CTNND2: variants seen among roughly 807,000 people sequenced by gnomAD.
CTNND2 encodes catenin delta-2.
Under a neutral mutation model 144.4 loss-of-function variants are expected in CTNND2, and 22 were observed. The ratio of observed to expected loss-of-function variants is 0.15; its 90% CI spans 0.11 to 0.22. CTNND2 has a LOEUF of 0.22. Among genes scored for constraint, CTNND2 ranks in the 10% least tolerant of loss-of-function variants. CTNND2 has a pLI of 1.00. For synonymous variants in CTNND2, 751 were observed against 695.6 expected (o/e 1.08, Z -1.25); for missense variants, 1,353 against 1,618.8 (o/e 0.84, Z 2.82).
chr5:11,470,978 A>AT (rs1456986831), intron 3 of CTNND2, among the ~76,000 whole-genome samples: 31 of 95,806 alleles, frequency 3.2e-4, no homozygotes, highest in African/African-American at 1.8e-3. Context: ...ATATATATAT[A>AT]TATTTTTTTT....
chr5:11,428,669 A>G (rs1344923625), intron 3 of CTNND2, among the ~76,000 whole-genome samples: 2 of 152,200 alleles, frequency 1.3e-5, no homozygotes, highest in African/African-American at 2.4e-5. Flanking sequence ...TAGTTAGTAA[A>G]GCGTAGGATT....
chr5:11,567,154 T>G (rs1777181158), intron 2 of CTNND2, among the ~76,000 whole-genome samples: 1 of 151,558 alleles, frequency 6.6e-6, no homozygotes, highest in Non-Finnish European at 1.5e-5. Flanking sequence ...TTATTTTGTA[T>G]TTTTTTATTT....
intron 3 of CTNND2, among the ~76,000 whole-genome samples, chr5:11,477,214 T>C (rs1767828232): frequency 1.3e-5 from 2 of 152,102 alleles, no homozygotes; most frequent in Non-Finnish European, 2.9e-5. Context: ...CCATGAACTA[T>C]TCATTATTAA....
At chr5:11,742,197 G>A (rs1581807177) in intron 1 of CTNND2, among the ~76,000 whole-genome samples, 1 of 151,962 alleles carries the variant, frequency 6.6e-6, no homozygotes, top group East Asian at 1.9e-4. Context: ...CAAAACTTAT[G>A]GAGGAAAAAA....
intron 16 of CTNND2, among the ~76,000 whole-genome samples, chr5:11,023,608 T>C (rs1669912614): frequency 6.6e-6 from 1 of 152,246 alleles, no homozygotes; most frequent in Admixed American, 6.5e-5. Flanking sequence ...ATGTGTCCTC[T>C]GAACTATAGT....
chr5:11,690,312 A>T, intron 2 of CTNND2, among the ~76,000 whole-genome samples: 1 of 152,228 alleles, frequency 6.6e-6, no homozygotes. Flanking sequence ...AAACAAAAAA[A>T]ACTTTCAAAC....
At chr5:11,314,837 T>C (rs899327153) in intron 9 of CTNND2, among the ~76,000 whole-genome samples, 2 of 146,042 alleles carry the variant, frequency 1.4e-5, no homozygotes, top group Non-Finnish European at 3.0e-5. Context: ...TTTGGGGAGG[T>C]ATGGGGTAGC....
chr5:11,819,651 G>A (rs1019125216), intron 1 of CTNND2, among the ~76,000 whole-genome samples: 1 of 152,102 alleles, frequency 6.6e-6, no homozygotes, highest in African/African-American at 2.4e-5. Flanking sequence ...ACTTAGCAGT[G>A]GGAACCAGTG....
intron 9 of CTNND2, among the ~76,000 whole-genome samples, chr5:11,254,646 C>A (rs1744040344): frequency 6.6e-6 from 1 of 152,148 alleles, no homozygotes; most frequent in African/African-American, 2.4e-5. Context: ...TACAACAGTG[C>A]ATGTCAAAAT....
chr5:11,289,583 C>CT (rs1748111633), intron 9 of CTNND2, among the ~76,000 whole-genome samples: 1 of 152,188 alleles, frequency 6.6e-6, no homozygotes, highest in Non-Finnish European at 1.5e-5. Flanking sequence ...CCTATGGTAT[C>CT]AGTCAGACGC....
At chr5:11,368,102 A>G (rs1581031456) in intron 7 of CTNND2, among the ~76,000 whole-genome samples, 1 of 152,294 alleles carries the variant, frequency 6.6e-6, no homozygotes, top group East Asian at 1.9e-4. Flanking sequence ...AAACATGGGT[A>G]CTTGGCTTAC....
intron 2 of CTNND2, among the ~76,000 whole-genome samples, chr5:11,696,553 C>T (rs188455319): frequency 1.6e-3 from 242 of 152,342 alleles, no homozygotes; most frequent in Non-Finnish European, 2.8e-3. Flanking sequence ...ATCTGATCAA[C>T]AGCAGATATT....
rs553532662 is a variant in CTNND2 at position 11,368,353 on chromosome 5, T to C, written c.1178-3463A>G. ...GCTACAGGTGACCTGAATGGATGCT[T>C]AAACAGCTCAGAACCTACCTGACTA... On this transcript the variant is annotated intron_variant, in intron 7 of 21. Transcript: ENST00000304623. 9.9e-5 allele frequency among the ~76,000 whole-genome samples: 15 copies of C among 152,254 alleles called. No homozygotes were observed. The South Asian group carries it at 3.1e-3, about 32-fold the overall frequency.
chr5:11,050,953 C>T (rs560247845), intron 16 of CTNND2, among the ~76,000 whole-genome samples: 24 of 152,184 alleles, frequency 1.6e-4, no homozygotes, highest in Non-Finnish European at 2.9e-4. Context: ...CTTTTCTCCA[C>T]TATAATATTT....
At chr5:11,462,556 T>A (rs1449317428) in intron 3 of CTNND2, among the ~76,000 whole-genome samples, 1 of 151,776 alleles carries the variant, frequency 6.6e-6, no homozygotes, top group African/African-American at 2.4e-5. Context: ...CTATTTTTTT[T>A]TTCCCCAGAG....
intron 9 of CTNND2, among the ~76,000 whole-genome samples, chr5:11,264,154 A>G (rs1745206759): frequency 6.6e-6 from 1 of 152,216 alleles, no homozygotes; most frequent in Non-Finnish European, 1.5e-5. Context: ...TATAGTTTAA[A>G]ATACAAGGAG....
chr5:11,258,159 A>G (rs1388641897), intron 9 of CTNND2, among the ~76,000 whole-genome samples: 5 of 152,106 alleles, frequency 3.3e-5, no homozygotes, highest in Admixed American at 6.5e-5. Context: ...CTTCTAACCA[A>G]TCCCAGATAT....
intron 7 of CTNND2, among the ~76,000 whole-genome samples, chr5:11,376,477 A>C (rs368669757): frequency 7.9e-5 from 12 of 152,170 alleles, no homozygotes; most frequent in African/African-American, 2.2e-4. Context: ...ATCATATTTG[A>C]GAAAGAAAAA....
intron 5 of CTNND2, among the ~76,000 whole-genome samples, chr5:11,403,186 G>A (rs1167238557): frequency 6.6e-6 from 1 of 152,116 alleles, no homozygotes; most frequent in African/African-American, 2.4e-5. Context: ...TATATGTCCT[G>A]ATGTTCTCCC....
Sources: gnomAD v4.1 joint callset for allele counts (sites outside exome capture counted in the v4.1 genomes callset) on GRCh38, gnomAD v4.1.1 for gene constraint, MANE v1.5 for transcripts, NCBI Gene and HGNC (gene_info 2026-07-23, HGNC 2026-07-21) for gene names.